Variants in LCOR observed in about 807,000 individuals in gnomAD.
LCOR encodes the protein ligand-dependent corepressor.
LCOR carries 14 observed loss-of-function variants against 64.4 expected under a neutral mutation model. The ratio of observed to expected loss-of-function variants is 0.22; its 90% CI spans 0.14 to 0.34. The LOEUF is 0.34. LCOR is among the 10% of genes least tolerant of loss of function. LCOR has a pLI of 1.00. For synonymous variants in LCOR, 643 were observed against 642.5 expected, an observed-to-expected ratio of 1.00 and a Z score of -0.01; for missense variants, 1,686 against 1,765.3, an observed-to-expected ratio of 0.96 and a Z score of 0.80.
chr10:96,916,768 C>G (rs1190572878), intron 4 of LCOR, among the ~76,000 whole-genome samples: 2 of 151,966 alleles, frequency 1.3e-5, no homozygotes, highest in African/African-American at 4.8e-5. Flanking sequence ...GCGCACGCCA[C>G]CCCACCCAGC....
rs762639752 is a variant in LCOR at position 96,845,449 on chromosome 10, C to CT, written c.-330+12007dup. 5.5e-3 allele frequency among the ~76,000 whole-genome samples: 270 copies of CT among 48,684 alleles called. 100 individuals are homozygous for CT. Among genetic ancestry groups the CT allele is most frequent in the African/African-American group, 6.4e-3 (76 of 11,910 alleles). The allele number at this position is 48,684 out of a possible 152,430, so 31.9% of individuals were successfully genotyped here. On this transcript the variant is annotated intron_variant, in intron 2 of 7. Coordinates refer to ENST00000421806, the MANE Select transcript of LCOR (RefSeq NM_001346516.2). ...TTTGCCTCTTATAAATGGGCTTATC[C>CT]TTTTTTTTTTTTTTTTTTTTTTTTT...
chr10:96,974,403 G>T (rs926613277), intron 7 of LCOR, among the ~76,000 whole-genome samples: 1 of 152,176 alleles, frequency 6.6e-6, no homozygotes, highest in Non-Finnish European at 1.5e-5. Flanking sequence ...TAATTCACTT[G>T]ACTATTACAG....
rs150602976 is a variant in LCOR at position 96,940,279 on chromosome 10, A to G, written c.-183-3834A>G. On this transcript the variant is annotated intron_variant, in intron 4 of 7. Coordinates refer to ENST00000421806, the MANE Select transcript of LCOR (RefSeq NM_001346516.2). The stretch of plus-strand genomic sequence containing the variant: ...AATTTATAAAAGAATGTTGGCAAAT[A>G]CAACTATAATAAAGGTGGTCATGAT... Among the ~76,000 whole-genome samples the G allele has an allele frequency of 6.0e-3, 896 of 149,458 alleles. 16 individuals are homozygous for G. The highest frequency in any genetic ancestry group is 0.021 in the African/African-American group (854 of 40,586).
chr10:96,952,805 A>G (rs1010697040), intron 7 of LCOR, among the ~76,000 whole-genome samples: 5 of 152,318 alleles, frequency 3.3e-5, no homozygotes, highest in East Asian at 1.9e-4. Flanking sequence ...TCTTCTCCCT[A>G]TGTGTATCTG....
At chr10:96,901,738 T>C (rs1846641403) in intron 2 of LCOR, among the ~76,000 whole-genome samples, 1 of 152,202 alleles carries the variant, frequency 6.6e-6, no homozygotes, top group Admixed American at 6.5e-5. Context: ...AGGCCATTTC[T>C]TCCTTCCTTC....
chr10:96,981,361 G>A lies in LCOR; in HGVS notation c.901G>A (p.Val301Met), dbSNP rs150728668. The A allele has an allele frequency of 8.0e-5, 129 of 1,613,986 alleles. No individual in the cohort carries two copies. In the African/African-American group the frequency reaches 1.6e-3, roughly 20 times the overall value. Residue 301 changes from valine to methionine, a missense_variant, in exon 8 of 8, where the codon GTG (valine) becomes ATG (methionine). By Grantham distance (21) the Val-to-Met change is conservative (BLOSUM62 1). Around this residue, in one of 3 missense-constraint regions of LCOR, gnomAD observed 313 missense variants for 247.2 expected, o/e 1.27. Transcript: ENST00000421806. The part of the protein sequence containing the change: ...QTTGQEQDTN[V>M]NICEDGKDHM... ...CACTGGACAAGAGCAAGACACAAAT[G>A]TGAACATATGTGAGGATGGTAAAGA...
intron 2 of LCOR, among the ~76,000 whole-genome samples, chr10:96,843,156 GT>G (rs969202040): frequency 6.6e-6 from 1 of 152,068 alleles, no homozygotes; most frequent in African/African-American, 2.4e-5. Flanking sequence ...ACAAGGTCTG[GT>G]TCTGTCTCCC....
chr10:96,923,793 A>G (rs1041466551), intron 4 of LCOR, among the ~76,000 whole-genome samples: 17 of 152,198 alleles, frequency 1.1e-4, no homozygotes, highest in African/African-American at 4.1e-4. Flanking sequence ...GAGGAATCTT[A>G]ACAGTTCTCT....
At chr10:96,875,196 A>G (rs1846142634) in intron 2 of LCOR, among the ~76,000 whole-genome samples, 1 of 151,776 alleles carries the variant, frequency 6.6e-6, no homozygotes. Flanking sequence ...CATCCTGGCT[A>G]ACATGGTGAA....
intron 7 of LCOR, chr10:96,960,070 G>GTTTAGTT (rs1847854972): frequency 6.6e-6 from 1 of 152,192 alleles, no homozygotes; most frequent in Non-Finnish European, 1.5e-5. Flanking sequence ...ACAATGAGAA[G>GTTTAGTT]TTTAGTTCCC....
chr10:96,844,387 A>G (rs1845592809), intron 2 of LCOR, among the ~76,000 whole-genome samples: 1 of 151,932 alleles, frequency 6.6e-6, no homozygotes, highest in Non-Finnish European at 1.5e-5. Context: ...AGCATTATGC[A>G]TATGCCCTTC....
chr10:96,839,242 T>C (rs191240485), intron 2 of LCOR, among the ~76,000 whole-genome samples: 7 of 152,344 alleles, frequency 4.6e-5, no homozygotes, highest in Non-Finnish European at 8.8e-5. Flanking sequence ...AAGAATTGTG[T>C]ATATATTCTG....
intron 4 of LCOR, among the ~76,000 whole-genome samples, chr10:96,928,088 T>C (rs1413866417): frequency 2.0e-5 from 3 of 152,160 alleles, no homozygotes; most frequent in Non-Finnish European, 4.4e-5. Flanking sequence ...ACTGATCAAG[T>C]TGGTGGTTGC....
chr10:96,939,444 G>T (rs1448018615), intron 4 of LCOR, among the ~76,000 whole-genome samples: 1 of 152,058 alleles, frequency 6.6e-6, no homozygotes, highest in African/African-American at 2.4e-5. Context: ...AAGTTTTTTA[G>T]GTATAACATC....
chr10:96,893,060 C>T (rs1302330135), intron 2 of LCOR, among the ~76,000 whole-genome samples: 3 of 152,040 alleles, frequency 2.0e-5, no homozygotes, highest in East Asian at 3.8e-4. Context: ...TGATTCCCTT[C>T]TCATTTATTT....
At chr10:96,943,104 T>TTTG (rs1554839438) in intron 4 of LCOR, among the ~76,000 whole-genome samples, 4 of 151,004 alleles carry the variant, frequency 2.6e-5, no homozygotes, top group African/African-American at 9.7e-5. Flanking sequence ...ACCTACTTTT[T>TTTG]TTTGTTTGTT....
chr10:96,835,700 G>A (rs1845430404), intron 2 of LCOR, among the ~76,000 whole-genome samples: 1 of 152,156 alleles, frequency 6.6e-6, no homozygotes, highest in Non-Finnish European at 1.5e-5. Context: ...TTTCTGGAAG[G>A]TATTTAATTT....
intron 2 of LCOR, among the ~76,000 whole-genome samples, chr10:96,844,090 ACCCTCCCTCCCT>A (rs370487108): frequency 0.073 from 2,658 of 36,552 alleles, 119 homozygotes; most frequent in African/African-American, 0.17. Flanking sequence ...CTACCTTCCC[ACCCTCCCTCCCT>A]CCCTTCCTTC....
chr10:96,902,590 G>A (rs1284973637), intron 2 of LCOR, among the ~76,000 whole-genome samples: 8 of 152,134 alleles, frequency 5.3e-5, no homozygotes, highest in Non-Finnish European at 1.2e-4. Context: ...ATAAAAGATT[G>A]TATAATCTAG....
Sources: allele counts gnomAD v4.1 joint callset (sites outside exome capture counted in the v4.1 genomes callset), GRCh38; gene constraint gnomAD v4.1.1; regional missense constraint gnomAD v4.1.1; transcripts MANE v1.5; gene names NCBI Gene and HGNC (gene_info 2026-07-23, HGNC 2026-07-21).